CA10: variants seen among roughly 807,000 people sequenced by gnomAD.
CA10 encodes the protein carbonic anhydrase 10 (inactive), also known as carbonic anhydrase-related protein 10.
In CA10, 14 loss-of-function variants were observed where a neutral mutation model predicts 44.2. The observed-to-expected ratio is 0.32, with a 90% CI of 0.21 to 0.50. The LOEUF is 0.50. CA10 is among the 20% of genes least tolerant of loss of function. The pLI is 0.99. For missense variants in CA10, 350 were observed against 409.7 expected (o/e 0.85, Z 1.26); for synonymous variants, 159 against 141.6 (o/e 1.12, Z -0.87).
chr17:51,642,862 T>C (rs1313295761), intron 6 of CA10, among the ~76,000 whole-genome samples: 1 of 152,104 alleles, frequency 6.6e-6, no homozygotes, highest in African/African-American at 2.4e-5. Flanking sequence ...AGGCTCGTCT[T>C]GAACTCCTGA....
At chr17:52,118,470 A>AT (rs2143307464) in intron 1 of CA10, among the ~76,000 whole-genome samples, 1 of 152,284 alleles carries the variant, frequency 6.6e-6, no homozygotes, top group East Asian at 1.9e-4. Flanking sequence ...AATTTTTAAC[A>AT]TATTTAACAG....
At chr17:51,816,409 TC>T (rs1292617628) in intron 3 of CA10, among the ~76,000 whole-genome samples, 1 of 152,226 alleles carries the variant, frequency 6.6e-6, no homozygotes, top group Non-Finnish European at 1.5e-5. Flanking sequence ...TATACTGACT[TC>T]CTTTCTTTTG....
chr17:51,940,178 C>A (rs545831662), intron 2 of CA10, among the ~76,000 whole-genome samples: 69 of 152,078 alleles, frequency 4.5e-4, no homozygotes, highest in Non-Finnish European at 8.5e-4. Flanking sequence ...ACTGAACGCC[C>A]CTTTGATCAC....
chr17:52,033,907 T>C (rs1986541888), intron 2 of CA10, among the ~76,000 whole-genome samples: 1 of 152,228 alleles, frequency 6.6e-6, no homozygotes, highest in African/African-American at 2.4e-5. Context: ...CTAGAAGACA[T>C]TATGCTAAGT....
intron 3 of CA10, among the ~76,000 whole-genome samples, chr17:51,843,479 G>A (rs370385086): frequency 6.6e-4 from 100 of 152,328 alleles, no homozygotes; most frequent in African/African-American, 2.4e-3. Context: ...TACAGGGCAG[G>A]TTAAAATGGA....
At position 51,667,062 on chromosome 17, in the gene CA10, G is replaced by T. The variant is rs183740574; in HGVS notation, c.466-13326C>A. ...TCAGGAACTAATTTGAACAATCCAG[G>T]GATAGTCATATTGATTCCAGCCCAT... On this transcript the variant is annotated intron_variant, in intron 4 of 8. Transcript: ENST00000451037. Among the ~76,000 whole-genome samples the T allele has an allele frequency of 1.3e-3, 196 of 152,306 alleles. 1 individual carries two copies. Among genetic ancestry groups the T allele is most frequent in the African/African-American group, 4.5e-3 (189 of 41,564 alleles).
chr17:51,825,013 C>A (rs749128372), intron 3 of CA10, among the ~76,000 whole-genome samples: 11 of 152,144 alleles, frequency 7.2e-5, no homozygotes, highest in Non-Finnish European at 1.6e-4. Flanking sequence ...GTTGCATTTT[C>A]TTTATTATTT....
rs575822820 is a variant in CA10 at position 52,020,215 on chromosome 17, T to C, written c.136+52104A>G. Among the ~76,000 whole-genome samples, 240 of 152,068 alleles carry C rather than the reference T, an allele frequency of 1.6e-3. 1 individual carries two copies. The highest frequency in any genetic ancestry group is 3.0e-3 in the Non-Finnish European group (203 of 67,914). On this transcript the variant is annotated intron_variant, in intron 2 of 8. Transcript: ENST00000451037. Reference sequence around the variant, plus strand: ...ATTACCTCATATTAAACAATTTGGATGATATATTTTCAGATATTTTTGGCA... The same window carrying C: ...ATTACCTCATATTAAACAATTTGGACGATATATTTTCAGATATTTTTGGCA...
At chr17:52,063,925 CCTTG>C (rs1987462203) in intron 2 of CA10, among the ~76,000 whole-genome samples, 1 of 152,178 alleles carries the variant, frequency 6.6e-6, no homozygotes, top group African/African-American at 2.4e-5. Context: ...AATTTCACTT[CCTTG>C]AGTAGACTGC....
chr17:51,768,968 G>C (rs1905495100), intron 3 of CA10, among the ~76,000 whole-genome samples: 1 of 152,220 alleles, frequency 6.6e-6, no homozygotes, highest in Admixed American at 6.5e-5. Context: ...TCTCCACACG[G>C]TTTTTCCAGG....
intron 2 of CA10, among the ~76,000 whole-genome samples, chr17:51,934,263 TA>T (rs1441935519): frequency 1.3e-5 from 2 of 151,862 alleles, no homozygotes; most frequent in African/African-American, 4.8e-5. Flanking sequence ...AGGCAGGGAG[TA>T]AAGTCCTCCA....
At chr17:51,734,673 A>G (rs1323709024) in intron 4 of CA10, among the ~76,000 whole-genome samples, 5 of 152,170 alleles carry the variant, frequency 3.3e-5, no homozygotes, top group Admixed American at 1.3e-4. Flanking sequence ...CCTGGAGGCC[A>G]GGAATGGGAG....
At chr17:51,741,126 G>A (rs1904445515) in intron 4 of CA10, among the ~76,000 whole-genome samples, 1 of 152,184 alleles carries the variant, frequency 6.6e-6, no homozygotes, top group Non-Finnish European at 1.5e-5. Flanking sequence ...AAACCACAAA[G>A]CATGTGAACA....
At chr17:51,949,763 G>A (rs930633219) in intron 2 of CA10, among the ~76,000 whole-genome samples, 10 of 152,114 alleles carry the variant, frequency 6.6e-5, no homozygotes, top group Admixed American at 2.0e-4. Flanking sequence ...GTTCCATAGA[G>A]GAACCTTGGG....
At chr17:51,922,116 A>G (rs1982257586) in intron 3 of CA10, among the ~76,000 whole-genome samples, 1 of 152,160 alleles carries the variant, frequency 6.6e-6, no homozygotes, top group Non-Finnish European at 1.5e-5. Flanking sequence ...TTGCATTATT[A>G]CCTGCCTACT....
intron 2 of CA10, among the ~76,000 whole-genome samples, chr17:51,989,021 T>C (rs1010349960): frequency 1.3e-5 from 2 of 152,058 alleles, no homozygotes; most frequent in Non-Finnish European, 2.9e-5. Flanking sequence ...ATCTACCATA[T>C]TGGACAGTGT....
At chr17:51,771,440 A>G (rs1905608445) in intron 3 of CA10, among the ~76,000 whole-genome samples, 1 of 152,190 alleles carries the variant, frequency 6.6e-6, no homozygotes, top group Non-Finnish European at 1.5e-5. Flanking sequence ...GCCCAGTGCT[A>G]AGACTTCTCC....
rs547206501 is a variant in CA10 at position 51,765,689 on chromosome 17, C to G, written c.280-17871G>C. 4.3e-4 allele frequency among the ~76,000 whole-genome samples: 46 copies of G among 106,472 alleles called. 1 individual carries two copies. The East Asian group carries it at 0.013, about 30-fold the overall frequency. The allele number at this position is 106,472 out of a possible 152,430, so 69.8% of individuals were successfully genotyped here. ...ATGAGAGCTTGCAAGGCAGGCAGCT[C>G]CCTGTGTGTGTGTGTGTGTGTGTGT... On this transcript the variant is annotated intron_variant, in intron 3 of 8. Transcript: ENST00000451037.
chr17:51,673,506 T>C (rs1364264646), intron 4 of CA10, among the ~76,000 whole-genome samples: 2 of 152,178 alleles, frequency 1.3e-5, no homozygotes, highest in Non-Finnish European at 2.9e-5. Context: ...CTGAGACTCT[T>C]TTGTCTTCCT....
Sources: gnomAD v4.1 joint callset for allele counts (sites outside exome capture counted in the v4.1 genomes callset) on GRCh38, gnomAD v4.1.1 for gene constraint, MANE v1.5 for transcripts, NCBI Gene and HGNC (gene_info 2026-07-23, HGNC 2026-07-21) for gene names.